BNC2: variants seen among roughly 807,000 people sequenced by gnomAD.
The protein encoded by BNC2 is zinc finger protein basonuclin-2.
Under a neutral mutation model 76.3 loss-of-function variants are expected in BNC2, and 20 were observed. The ratio of observed to expected loss-of-function variants is 0.26; its 90% CI spans 0.18 to 0.38. The LOEUF is 0.38. Among genes scored for constraint, BNC2 ranks in the 10% least tolerant of loss-of-function variants. The pLI is 1.00. For synonymous variants in BNC2, 582 were observed against 514.8 expected, an observed-to-expected ratio of 1.13 and a Z score of -1.77; for missense variants, 1,382 against 1,399.8, an observed-to-expected ratio of 0.99 and a Z score of 0.20.
At chr9:16,517,939 T>C (rs777387758) in intron 5 of BNC2, among the ~76,000 whole-genome samples, 51 of 152,162 alleles carry the variant, frequency 3.4e-4, no homozygotes, top group Admixed American at 8.5e-4. Context: ...GGCACAAATA[T>C]CTCATGCCAG....
intron 5 of BNC2, among the ~76,000 whole-genome samples, chr9:16,515,874 A>G (rs1822865765): frequency 6.6e-6 from 1 of 151,932 alleles, no homozygotes; most frequent in South Asian, 2.1e-4. Context: ...GAAAAGAGGC[A>G]TCTGACAATT....
chr9:16,608,085 C>G (rs550359931), intron 3 of BNC2, among the ~76,000 whole-genome samples: 10 of 152,272 alleles, frequency 6.6e-5, no homozygotes, highest in African/African-American at 2.2e-4. Flanking sequence ...CAGGGGAGGG[C>G]AGGCTCAAAA....
At chr9:16,538,192 C>T (rs77913470) in intron 5 of BNC2, among the ~76,000 whole-genome samples, 2,217 of 152,258 alleles carry the variant, frequency 0.015, 56 homozygotes, top group African/African-American at 0.051. Flanking sequence ...CACTGTCCTA[C>T]CAATTGGACA....
At chr9:16,425,365 C>T (rs913077764) in intron 6 of BNC2, among the ~76,000 whole-genome samples, 44 of 151,666 alleles carry the variant, frequency 2.9e-4, no homozygotes, top group African/African-American at 9.2e-4. Context: ...TCTCAATTCA[C>T]AGTGAATTAT....
chr9:16,805,269 G>A (rs7865663), intron 1 of BNC2, among the ~76,000 whole-genome samples: 150,463 of 152,242 alleles, frequency 0.99, 74,372 homozygotes, highest in East Asian at 1. Context: ...CTATGTGAAT[G>A]TAGCCAAACA....
At position 16,862,964 on chromosome 9, in the gene BNC2, G is replaced by C. The variant is rs182570987; in HGVS notation, c.3+7682C>G. 4.2e-3 allele frequency among the ~76,000 whole-genome samples: 633 copies of C among 150,974 alleles called. 4 individuals are homozygous for C. The highest frequency in any genetic ancestry group is 0.015 in the African/African-American group (609 of 41,012). ...AAGTCTTGCTCTGTCGCTCAGGCTAGAGTGCAGTGGCGAGATCTTGGCTCA... is the reference window on the plus strand; with the variant it reads ...AAGTCTTGCTCTGTCGCTCAGGCTACAGTGCAGTGGCGAGATCTTGGCTCA... On this transcript the variant is annotated intron_variant, in intron 1 of 6. Transcript: ENST00000380672.
chr9:16,526,587 A>G lies in BNC2; in HGVS notation c.669+25943T>C, dbSNP rs565516553. On this transcript the variant is annotated intron_variant, in intron 5 of 6. Coordinates refer to ENST00000380672, the MANE Select transcript of BNC2 (RefSeq NM_017637.6). ...TATATCCTCAGACAAAGAAATGTCC[A>G]TTAGTCACTCACTAAAAGGGTAAAA... 6.1e-5 allele frequency among the ~76,000 whole-genome samples: 9 copies of G among 146,584 alleles called. No homozygotes were observed. In the South Asian group the frequency reaches 8.6e-4, roughly 14 times the overall value.
chr9:16,471,344 A>G (rs1203754311), intron 5 of BNC2, among the ~76,000 whole-genome samples: 1 of 145,990 alleles, frequency 6.8e-6, no homozygotes, highest in Non-Finnish European at 1.5e-5. Flanking sequence ...CCCAGGCTGG[A>G]GTGCAGTGGC....
At chr9:16,848,948 T>C (rs941286017) in intron 1 of BNC2, among the ~76,000 whole-genome samples, 20 of 152,260 alleles carry the variant, frequency 1.3e-4, no homozygotes, top group African/African-American at 4.8e-4. Flanking sequence ...TAAGAAAAAT[T>C]AATGAATTTC....
chr9:16,520,434 T>C (rs1243659320), intron 5 of BNC2, among the ~76,000 whole-genome samples: 4 of 152,132 alleles, frequency 2.6e-5, no homozygotes, highest in African/African-American at 4.8e-5. Flanking sequence ...GGAACTGGTG[T>C]AAGAACAATC....
At chr9:16,759,725 ATTTT>A (rs35836794) in intron 1 of BNC2, among the ~76,000 whole-genome samples, 2 of 141,400 alleles carry the variant, frequency 1.4e-5, no homozygotes, top group Non-Finnish European at 3.1e-5. Context: ...GACATAAACT[ATTTT>A]TTTTTTTTTT....
intron 3 of BNC2, among the ~76,000 whole-genome samples, chr9:16,687,330 C>G (rs149192353): frequency 4.1e-4 from 62 of 152,226 alleles, no homozygotes; most frequent in African/African-American, 1.4e-3. Flanking sequence ...AAATCAAGAC[C>G]TGCTACCTGC....
At chr9:16,489,759 T>C (rs1822236222) in intron 5 of BNC2, among the ~76,000 whole-genome samples, 1 of 152,210 alleles carries the variant, frequency 6.6e-6, no homozygotes, top group African/African-American at 2.4e-5. Flanking sequence ...GAGTGTTACA[T>C]AACGGGGGCT....
chr9:16,685,667 G>A, intron 3 of BNC2: 2 of 1,269,526 alleles, frequency 1.6e-6, no homozygotes, highest in Non-Finnish European at 2.1e-6. Context: ...GTGTATGGAG[G>A]CTGCTGAGAA....
intron 3 of BNC2, among the ~76,000 whole-genome samples, chr9:16,675,497 T>C (rs1334023468): frequency 6.6e-6 from 1 of 152,134 alleles, no homozygotes; most frequent in Non-Finnish European, 1.5e-5. Flanking sequence ...TGGGCTCAAG[T>C]GATAGGCCCA....
At chr9:16,827,178 T>A (rs1383629355) in intron 1 of BNC2, among the ~76,000 whole-genome samples, 1 of 152,222 alleles carries the variant, frequency 6.6e-6, no homozygotes, top group Non-Finnish European at 1.5e-5. Context: ...CTCAGCATTC[T>A]AACTTGTGCT....
At chr9:16,743,895 G>A (rs1824922284) in intron 1 of BNC2, among the ~76,000 whole-genome samples, 1 of 152,130 alleles carries the variant, frequency 6.6e-6, no homozygotes, top group Non-Finnish European at 1.5e-5. Context: ...CATAGATTTT[G>A]TTCACACTAT....
intron 1 of BNC2, among the ~76,000 whole-genome samples, chr9:16,751,614 A>ATATGTATG (rs1347237569): frequency 3.0e-4 from 26 of 87,726 alleles, no homozygotes; most frequent in East Asian, 1.3e-3. Context: ...AAATATATAT[A>ATATGTATG]TGTGTATATA....
At position 16,412,760 on chromosome 9, in the gene BNC2, AGAGAGACT is replaced by A. The variant is rs1029753819; in HGVS notation, c.*6221_*6228del. 1.7e-5 allele frequency: 2 copies of A among 114,950 alleles called. No individual in the cohort carries two copies. The highest frequency in any genetic ancestry group is 8.0e-5 in the African/African-American group (2 of 25,028). The allele number at this position is 114,950 out of a possible 1,614,324, so 7.1% of individuals were successfully genotyped here. On this transcript the variant is annotated 3_prime_UTR_variant, in exon 7 of 7. Coordinates refer to ENST00000380672, the MANE Select transcript of BNC2 (RefSeq NM_017637.6). ...GAGAGAGAGAGAGAGAGAGAGAGAGAGAGAGACTGACTGATTGTGGATGTGTGTGTACA... is the reference window on the plus strand; with the variant it reads ...GAGAGAGAGAGAGAGAGAGAGAGAGAGACTGATTGTGGATGTGTGTGTACA...
Sources: allele counts gnomAD v4.1 joint callset (sites outside exome capture counted in the v4.1 genomes callset), GRCh38; gene constraint gnomAD v4.1.1; transcripts MANE v1.5; gene names NCBI Gene and HGNC (gene_info 2026-07-23, HGNC 2026-07-21).